Variants in SNCAIP observed in about 807,000 individuals in gnomAD.
SNCAIP encodes synuclein alpha interacting protein, also known as synphilin-1.
Under a neutral mutation model 86.7 loss-of-function variants are expected in SNCAIP, and 43 were observed. The observed-to-expected ratio is 0.50, with a 90% CI of 0.39 to 0.64. SNCAIP has a LOEUF of 0.64. SNCAIP is among the 30% of genes least tolerant of loss of function. The pLI, the probability that SNCAIP is intolerant of heterozygous loss-of-function variation, is 0.00. For synonymous variants in SNCAIP, 417 were observed against 427.2 expected, an observed-to-expected ratio of 0.98 and a Z score of 0.29; for missense variants, 981 against 1,103.1, an observed-to-expected ratio of 0.89 and a Z score of 1.57.
At chr5:122,448,724 G>GTT (rs1437482464) in intron 8 of SNCAIP, among the ~76,000 whole-genome samples, 6 of 132,874 alleles carry the variant, frequency 4.5e-5, no homozygotes, top group African/African-American at 1.7e-4. Context: ...TAATATATAT[G>GTT]TTTTATATAT....
chr5:122,452,868 G>T, intron 10 of SNCAIP: 1 of 1,068,588 alleles, frequency 9.4e-7, no homozygotes, highest in Non-Finnish European at 1.4e-6. Context: ...ACTGGGACTT[G>T]TGCATGTGCT....
chr5:122,376,814 G>A (rs924037570), intron 1 of SNCAIP, among the ~76,000 whole-genome samples: 4 of 152,124 alleles, frequency 2.6e-5, no homozygotes, highest in Non-Finnish European at 4.4e-5. Context: ...ACTCTGAAAA[G>A]GTGTAAAATT....
At chr5:122,368,585 A>G (rs1478806505) in intron 1 of SNCAIP, among the ~76,000 whole-genome samples, 1 of 152,204 alleles carries the variant, frequency 6.6e-6, no homozygotes, top group Non-Finnish European at 1.5e-5. Context: ...GATACCTTGC[A>G]GAGTTATTAT....
At position 122,450,520 on chromosome 5, in the gene SNCAIP, ATCT is replaced by A. The variant is rs1446971239; in HGVS notation, c.1686-8_1686-6del. On this transcript the variant is annotated splice_polypyrimidine_tract_variant and intron_variant, in intron 9 of 10. Transcript: ENST00000261368. Reference sequence around the variant, plus strand: ...TAGGAAATCATCTCATATGTCCTTCATCTTCTTTTTAGTTCACCATCCTCACCT... The same window carrying A: ...TAGGAAATCATCTCATATGTCCTTCATCTTTTTAGTTCACCATCCTCACCT... 1.3e-6 allele frequency: 2 copies of A among 1,591,312 alleles called. No homozygotes were observed. Among genetic ancestry groups the A allele is most frequent in the Non-Finnish European group, 1.7e-6 (2 of 1,159,238 alleles).
chr5:122,325,804 G>A (rs1407751369), intron 1 of SNCAIP, among the ~76,000 whole-genome samples: 1 of 152,030 alleles, frequency 6.6e-6, no homozygotes, highest in African/African-American at 2.4e-5. Flanking sequence ...TTTTGAGTGA[G>A]AAGAAATCTA....
intron 10 of SNCAIP, among the ~76,000 whole-genome samples, chr5:122,463,085 T>C (rs1436788953): frequency 6.6e-6 from 1 of 152,218 alleles, no homozygotes; most frequent in African/African-American, 2.4e-5. Flanking sequence ...CTTTTAAGGC[T>C]CAAGCTTATT....
intron 1 of SNCAIP, among the ~76,000 whole-genome samples, chr5:122,368,056 G>A (rs942401896): frequency 1.3e-5 from 2 of 152,084 alleles, no homozygotes; most frequent in Non-Finnish European, 2.9e-5. Flanking sequence ...TGGAGTCGTA[G>A]GGCCATCTCT....
chr5:122,386,757 T>C (rs1215378780), intron 1 of SNCAIP, among the ~76,000 whole-genome samples: 1 of 152,004 alleles, frequency 6.6e-6, no homozygotes, highest in Non-Finnish European at 1.5e-5. Flanking sequence ...AGCTGAACCA[T>C]TGAAAAATGT....
rs145038921 is a variant in SNCAIP at position 122,425,436 on chromosome 5, G to A, written c.1087G>A (p.Ala363Thr). The A allele has an allele frequency of 4.8e-5, 77 of 1,613,602 alleles. No homozygotes were observed. The highest frequency in any genetic ancestry group is 3.7e-4 in the African/African-American group (28 of 75,032). ...ACATATTGCGGCGTCACAGGGACAC[G>A]CAGAGTGTCTACAGCACCTCACTTC... Reference protein sequence around the residue: ...LLHIAASQGHAECLQHLTSLM... With the variant: ...LLHIAASQGHTECLQHLTSLM... The change falls in exon 5 of 11, where the codon GCA becomes ACA. Residue 363 changes from alanine to threonine, a missense_variant. By Grantham distance (58) the Ala-to-Thr change is moderately conservative. Transcript: ENST00000261368.
chr5:122,387,468 A>T (rs1222381346), intron 1 of SNCAIP, among the ~76,000 whole-genome samples: 1 of 152,174 alleles, frequency 6.6e-6, no homozygotes, highest in Non-Finnish European at 1.5e-5. Flanking sequence ...AAAGGATTTT[A>T]AGCTGGCCTG....
chr5:122,351,536 CAAAAAAAAAAAAA>C lies in SNCAIP; in HGVS notation c.-47+39270_-47+39282del, dbSNP rs541191012. Among the ~76,000 whole-genome samples, 27 of 36,516 alleles carry C rather than the reference CAAAAAAAAAAAAA, an allele frequency of 7.4e-4. No individual in the cohort carries two copies. In the South Asian group the frequency reaches 0.019, roughly 25 times the overall value. 24.0% of individuals were successfully genotyped at this position (36,516 alleles called of 152,430 possible). On this transcript the variant is annotated intron_variant, in intron 1 of 10. Coordinates refer to ENST00000261368, the MANE Select transcript of SNCAIP (RefSeq NM_005460.4). The stretch of plus-strand genomic sequence containing the variant: ...TGGGCAACAGAGTGAGACTCTGTAT[CAAAAAAAAAAAAA>C]AAAAAAAAAAAAAAAAAGAACTAAT...
At chr5:122,327,947 G>A (rs935393150) in intron 1 of SNCAIP, among the ~76,000 whole-genome samples, 3 of 152,148 alleles carry the variant, frequency 2.0e-5, no homozygotes, top group Non-Finnish European at 4.4e-5. Flanking sequence ...AGGCATCACA[G>A]GAAAAGTCTC....
chr5:122,449,515 ACTT>A (rs1244388211), intron 8 of SNCAIP, among the ~76,000 whole-genome samples: 3 of 152,160 alleles, frequency 2.0e-5, no homozygotes, highest in African/African-American at 4.8e-5. Context: ...AATTAGGAAG[ACTT>A]CTTCTATGTC....
chr5:122,442,660 C>G (rs191604958), intron 7 of SNCAIP, among the ~76,000 whole-genome samples: 2 of 152,144 alleles, frequency 1.3e-5, no homozygotes, highest in East Asian at 1.9e-4. Flanking sequence ...ACAAAACACT[C>G]TAATATTTAA....
intron 1 of SNCAIP, among the ~76,000 whole-genome samples, chr5:122,316,322 C>A (rs1044972648): frequency 6.6e-6 from 1 of 152,110 alleles, no homozygotes. Flanking sequence ...AAGAGAACAC[C>A]TTTGACTTAA....
chr5:122,337,441 C>A (rs548521955), intron 1 of SNCAIP, among the ~76,000 whole-genome samples: 116 of 152,226 alleles, frequency 7.6e-4, no homozygotes, highest in African/African-American at 2.6e-3. Context: ...GAAATAGTTA[C>A]CTGATTCCCC....
intron 3 of SNCAIP, among the ~76,000 whole-genome samples, chr5:122,412,523 C>T (rs778969188): frequency 2.6e-5 from 4 of 152,170 alleles, no homozygotes; most frequent in Non-Finnish European, 5.9e-5. Context: ...CTGACATCCT[C>T]TTAGTCTTCC....
intron 1 of SNCAIP, among the ~76,000 whole-genome samples, chr5:122,375,989 G>A (rs1333135091): frequency 6.6e-6 from 1 of 152,122 alleles, no homozygotes; most frequent in Non-Finnish European, 1.5e-5. Context: ...GTTCTAAAAT[G>A]TGATTCTGAG....
At chr5:122,344,722 A>C (rs1398719962) in intron 1 of SNCAIP, among the ~76,000 whole-genome samples, 1 of 152,204 alleles carries the variant, frequency 6.6e-6, no homozygotes, top group Non-Finnish European at 1.5e-5. Flanking sequence ...CTAACAATTG[A>C]GAGTTTTGAA....
Sources: allele counts gnomAD v4.1 joint callset (sites outside exome capture counted in the v4.1 genomes callset), GRCh38; gene constraint gnomAD v4.1.1; transcripts MANE v1.5; gene names NCBI Gene and HGNC (gene_info 2026-07-23, HGNC 2026-07-21).